UCK2: variants seen among roughly 807,000 people sequenced by gnomAD.
UCK2 encodes cytidine monophosphokinase 2.
UCK2 carries 6 observed loss-of-function variants against 30.8 expected under a neutral mutation model. The observed-to-expected ratio is 0.19, with a 90% CI of 0.11 to 0.38. The LOEUF (loss-of-function observed/expected upper bound fraction) is 0.38, where lower values mean the gene tolerates loss of function less well. Ranked by LOEUF, UCK2 falls within the 10% of genes least tolerant of loss-of-function variation. The probability of loss-of-function intolerance (pLI) is 1.00; values close to 1 mark genes in which losing one functional copy is unlikely to be tolerated. For synonymous variants in UCK2, 125 were observed against 133.6 expected, an observed-to-expected ratio of 0.94 and a Z score of 0.45; for missense variants, 210 against 339.8, an observed-to-expected ratio of 0.62 and a Z score of 3.00.
chr1:165,847,290 C>T (rs748993674), intron 1 of UCK2, among the ~76,000 whole-genome samples: 1 of 152,048 alleles, frequency 6.6e-6, no homozygotes, highest in Non-Finnish European at 1.5e-5. Context: ...GTAAAGATTA[C>T]ATAAAACAAT....
chr1:165,837,698 A>G (rs1210924166), intron 1 of UCK2, among the ~76,000 whole-genome samples: 3 of 152,150 alleles, frequency 2.0e-5, no homozygotes, highest in African/African-American at 7.2e-5. Flanking sequence ...TTACCTCACT[A>G]TTGCCTGAAG....
In UCK2 at chr1:165,891,953, C is replaced by T. The variant is rs191893967; in HGVS notation, c.356+631C>T. On this transcript the variant is annotated intron_variant, in intron 3 of 6. Transcript: ENST00000367879. ...GCACTCCTGCTGGCCAGACCCCAGG[C>T]TCCTTCAGAGCGTCTCAGACCTGAA... Among the ~76,000 whole-genome samples, 3 of 151,912 alleles carry T rather than the reference C, an allele frequency of 2.0e-5. No individual in the cohort carries two copies. In the East Asian group the frequency reaches 5.9e-4, roughly 30 times the overall value.
At chr1:165,834,594 G>A (rs140068998) in intron 1 of UCK2, among the ~76,000 whole-genome samples, 2 of 152,320 alleles carry the variant, frequency 1.3e-5, no homozygotes, top group African/African-American at 4.8e-5. Context: ...GGATGAGGGG[G>A]CAGTGGTTCT....
In UCK2 at chr1:165,856,062, C is replaced by T. The variant is rs578189101; in HGVS notation, c.99+28130C>T. Among the ~76,000 whole-genome samples the T allele has an allele frequency of 1.6e-4, 25 of 152,034 alleles. 1 individual carries two copies. Among genetic ancestry groups the T allele is most frequent in the African/African-American group, 6.0e-4 (25 of 41,448 alleles). Reference sequence around the variant, plus strand: ...ATATATATAAACCATAAAGAATTTCCCCATGTTAAAATGATGTGTGTCTTC... The same window carrying T: ...ATATATATAAACCATAAAGAATTTCTCCATGTTAAAATGATGTGTGTCTTC... On this transcript the variant is annotated intron_variant, in intron 1 of 6. Transcript: ENST00000367879.
At chr1:165,884,896 C>T (rs1234227914) in intron 1 of UCK2, among the ~76,000 whole-genome samples, 3 of 152,146 alleles carry the variant, frequency 2.0e-5, no homozygotes, top group Non-Finnish European at 4.4e-5. Flanking sequence ...TAAAGGAGTT[C>T]ATTGTTCAGC....
chr1:165,829,147 C>T (rs1204292380), intron 1 of UCK2, among the ~76,000 whole-genome samples: 1 of 152,192 alleles, frequency 6.6e-6, no homozygotes, highest in African/African-American at 2.4e-5. Context: ...GCGGCTGGCG[C>T]TGCTGGACTT....
chr1:165,855,829 T>C (rs1420310148), intron 1 of UCK2, among the ~76,000 whole-genome samples: 5 of 152,132 alleles, frequency 3.3e-5, no homozygotes, highest in Non-Finnish European at 5.9e-5. Context: ...GAACCCTGTT[T>C]CCTTGTCCTG....
intron 3 of UCK2, chr1:165,892,916 G>C (rs1199299024): frequency 1.3e-5 from 2 of 152,820 alleles, no homozygotes; most frequent in African/African-American, 4.8e-5. Flanking sequence ...CAGTGGAGAG[G>C]TGTGGAGGAA....
chr1:165,904,736 A>G (rs1647594304), intron 5 of UCK2, among the ~76,000 whole-genome samples: 1 of 152,226 alleles, frequency 6.6e-6, no homozygotes, highest in African/African-American at 2.4e-5. Flanking sequence ...GTTGCCTTTC[A>G]GCAATCCTAG....
At chr1:165,848,691 C>G (rs1654516798) in intron 1 of UCK2, among the ~76,000 whole-genome samples, 1 of 151,998 alleles carries the variant, frequency 6.6e-6, no homozygotes, top group Admixed American at 6.6e-5. Flanking sequence ...CAAAAACCCC[C>G]TGAGCTTTAC....
At chr1:165,858,600 A>C (rs1030506727) in intron 1 of UCK2, among the ~76,000 whole-genome samples, 1 of 152,190 alleles carries the variant, frequency 6.6e-6, no homozygotes, top group African/African-American at 2.4e-5. Context: ...CTGAGCCAGC[A>C]GTGCCCACTT....
chr1:165,880,969 C>G (rs1011164636), intron 1 of UCK2, among the ~76,000 whole-genome samples: 1 of 151,744 alleles, frequency 6.6e-6, no homozygotes, highest in African/African-American at 2.4e-5. Flanking sequence ...GTCAGGAGTT[C>G]GAGACCAGCC....
chr1:165,837,436 G>T (rs189859676), intron 1 of UCK2, among the ~76,000 whole-genome samples: 5 of 152,134 alleles, frequency 3.3e-5, no homozygotes, highest in Non-Finnish European at 7.4e-5. Flanking sequence ...ATCCCCTGCC[G>T]TTTGCTAACA....
At chr1:165,861,191 T>C (rs1414055567) in intron 1 of UCK2, among the ~76,000 whole-genome samples, 1 of 152,156 alleles carries the variant, frequency 6.6e-6, no homozygotes. Context: ...TCATGAGGGC[T>C]GAGCCTTCAT....
chr1:165,887,007 A>T (rs534406273), intron 1 of UCK2, among the ~76,000 whole-genome samples: 10 of 152,300 alleles, frequency 6.6e-5, no homozygotes, highest in Admixed American at 5.2e-4. Flanking sequence ...CTCCTTCCTG[A>T]TAAAGGGCTT....
At chr1:165,893,982 T>C (rs1423731227) in intron 3 of UCK2, among the ~76,000 whole-genome samples, 2 of 152,184 alleles carry the variant, frequency 1.3e-5, no homozygotes, top group Admixed American at 1.3e-4. Context: ...ACCCAAAATG[T>C]GAAATGCTCC....
intron 3 of UCK2, chr1:165,891,583 T>C: frequency 2.6e-6 from 1 of 390,038 alleles, no homozygotes; most frequent in Non-Finnish European, 4.7e-6. Flanking sequence ...GATAGTGATT[T>C]CAGCTTGAGG....
chr1:165,830,297 T>TG (rs1654012876), intron 1 of UCK2, among the ~76,000 whole-genome samples: 1 of 133,970 alleles, frequency 7.5e-6, no homozygotes, highest in Non-Finnish European at 1.6e-5. Context: ...AGCCACTACC[T>TG]GGGCTGGCTT....
chr1:165,890,501 C>T (rs1655739063), intron 2 of UCK2, 138 bp downstream of exon 2: 4 of 842,682 alleles, frequency 4.7e-6, no homozygotes, highest in South Asian at 1.7e-5. Flanking sequence ...AACTACCTTG[C>T]AGTGTTATTG....
Sources: allele counts gnomAD v4.1 joint callset (sites outside exome capture counted in the v4.1 genomes callset), GRCh38; gene constraint gnomAD v4.1.1; transcripts MANE v1.5; gene names NCBI Gene and HGNC (gene_info 2026-07-23, HGNC 2026-07-21).